The following RAB3GAP1 variants were observed in gnomAD, a reference collection of about 807,000 sequenced individuals.
RAB3GAP1 encodes the protein rab3 GTPase-activating protein catalytic subunit.
Under a neutral mutation model 130.7 loss-of-function variants are expected in RAB3GAP1, and 86 were observed. That is an observed-to-expected ratio of 0.66 (90% CI 0.55 to 0.79). The LOEUF is 0.79. Among genes scored for constraint, RAB3GAP1 ranks in the 30% least tolerant of loss-of-function variants. The pLI, the probability that RAB3GAP1 is intolerant of heterozygous loss-of-function variation, is 0.00. For missense variants in RAB3GAP1, 1,029 were observed against 1,169.4 expected (o/e 0.88, Z 1.75); for synonymous variants, 367 against 401.7 (o/e 0.91, Z 1.03).
intron 5 of RAB3GAP1, among the ~76,000 whole-genome samples, chr2:135,098,504 A>G (rs563035200): frequency 3.8e-4 from 58 of 152,258 alleles, no homozygotes; most frequent in Non-Finnish European, 7.5e-4. Flanking sequence ...TAGGTCACAA[A>G]TCTTTCTCCT....
chr2:135,094,710 A>G (rs1690242321), intron 5 of RAB3GAP1, among the ~76,000 whole-genome samples: 1 of 152,158 alleles, frequency 6.6e-6, no homozygotes, highest in Admixed American at 6.5e-5. Flanking sequence ...ATGACTATCC[A>G]TAAGACACTA....
chr2:135,166,803 A>G (rs1440247310), intron 23 of RAB3GAP1, among the ~76,000 whole-genome samples: 2 of 152,208 alleles, frequency 1.3e-5, no homozygotes, highest in Non-Finnish European at 2.9e-5. Context: ...TATACTTAAG[A>G]TATCTTTCAA....
chr2:135,126,305 T>C (rs1691347363), intron 10 of RAB3GAP1, 56 bp downstream of exon 10: 2 of 1,300,030 alleles, frequency 1.5e-6, no homozygotes, highest in Non-Finnish European at 2.2e-6. Context: ...GTAGAATAAC[T>C]CTCAAATTGC....
At chr2:135,136,417 T>C (rs1187680827) in intron 17 of RAB3GAP1, among the ~76,000 whole-genome samples, 2 of 152,214 alleles carry the variant, frequency 1.3e-5, no homozygotes. Flanking sequence ...CATAGATAAA[T>C]GTGGTCTTGA....
chr2:135,136,640 T>C, intron 17 of RAB3GAP1: 2 of 1,056,448 alleles, frequency 1.9e-6, no homozygotes, highest in East Asian at 1.1e-4. Context: ...CACTTATGTA[T>C]GTTTTTGTTT....
rs1688908816 is a variant in RAB3GAP1, at chr2:135,052,501, T to C, written c.74+16T>C. The C allele has an allele frequency of 3.1e-6, 5 of 1,612,980 alleles. No individual in the cohort carries two copies. Among genetic ancestry groups the C allele is most frequent in the Non-Finnish European group, 4.2e-6 (5 of 1,180,034 alleles). On this transcript the variant is annotated intron_variant, in intron 2 of 23. Coordinates refer to ENST00000264158, the MANE Select transcript of RAB3GAP1 (RefSeq NM_012233.3). ...AATGGGAAAGGTGAGTGAATCGCATTTTTGGTTACCAGCTCCCATGGGCCC... is the reference window on the plus strand; with the variant it reads ...AATGGGAAAGGTGAGTGAATCGCATCTTTGGTTACCAGCTCCCATGGGCCC...
intron 3 of RAB3GAP1, among the ~76,000 whole-genome samples, chr2:135,063,064 A>G (rs1689221510): frequency 6.6e-6 from 1 of 152,208 alleles, no homozygotes; most frequent in African/African-American, 2.4e-5. Context: ...TGCTGCAAGT[A>G]GACATCCTTG....
intron 3 of RAB3GAP1, chr2:135,058,827 A>G (rs967022189): frequency 1.1e-4 from 16 of 152,174 alleles, no homozygotes; most frequent in Non-Finnish European, 2.1e-4. Flanking sequence ...TTTTGAAATA[A>G]AATTTATGGT....
intron 17 of RAB3GAP1, among the ~76,000 whole-genome samples, chr2:135,149,320 G>A (rs1220818647): frequency 6.6e-6 from 1 of 152,196 alleles, no homozygotes; most frequent in African/African-American, 2.4e-5. Context: ...TAGTCAAAGA[G>A]AAAGTATGAA....
At chr2:135,120,660 A>G (rs997407578) in intron 7 of RAB3GAP1, among the ~76,000 whole-genome samples, 159 bp from the exon 8 acceptor site, 13 of 152,224 alleles carry the variant, frequency 8.5e-5, no homozygotes, top group African/African-American at 3.1e-4. Context: ...TGTTTTTAAT[A>G]ACTAGAATAT....
At chr2:135,172,434 C>CAAA (rs34579738), downstream of RAB3GAP1, among the ~76,000 whole-genome samples, 675 of 124,826 alleles carry the variant, frequency 5.4e-3, 3 homozygotes, top group Middle Eastern at 0.013. Context: ...GACTCTGTCT[C>CAAA]AAAAAAAAAA....
At chr2:135,105,944 C>T (rs903200115) in intron 5 of RAB3GAP1, among the ~76,000 whole-genome samples, 2 of 150,856 alleles carry the variant, frequency 1.3e-5, no homozygotes, top group African/African-American at 4.9e-5. Context: ...AGTGAGGAGC[C>T]CCTCCGCTCG....
intron 5 of RAB3GAP1, among the ~76,000 whole-genome samples, chr2:135,109,287 T>C (rs966826364): frequency 6.6e-6 from 1 of 152,130 alleles, no homozygotes; most frequent in African/African-American, 2.4e-5. Context: ...CTTGATAATA[T>C]TATCTTCCTA....
chr2:135,117,726 TCTTCTTCTTCTG>T lies in RAB3GAP1; in HGVS notation c.648+2363_648+2374del, dbSNP rs1472715386. Among the ~76,000 whole-genome samples the T allele has an allele frequency of 2.0e-4, 30 of 148,264 alleles. No homozygotes were observed. In the East Asian group the frequency reaches 5.1e-3, roughly 25 times the overall value. On this transcript the variant is annotated intron_variant, in intron 7 of 23. Coordinates refer to ENST00000264158, the MANE Select transcript of RAB3GAP1 (RefSeq NM_012233.3). ...TTCTGCTTCTGCTTCTTCTTCTGCT[TCTTCTTCTTCTG>T]CTTCTTCTTCTGCTTCTGCTTCTTC...
intron 5 of RAB3GAP1, among the ~76,000 whole-genome samples, chr2:135,108,364 A>G (rs1034046307): frequency 2.6e-5 from 4 of 152,188 alleles, no homozygotes; most frequent in African/African-American, 9.6e-5. Flanking sequence ...ATAATGATTT[A>G]TTAATGAAAC....
At position 135,168,486 on chromosome 2, in the gene RAB3GAP1, A is replaced by G. The variant is rs908872465; in HGVS notation, c.2710-59A>G. 19 of 1,350,130 alleles carry G rather than the reference A, an allele frequency of 1.4e-5. No homozygotes were observed. In the African/African-American group the frequency reaches 2.4e-4, roughly 17 times the overall value. The allele number at this position is 1,350,130 out of a possible 1,614,324, so 83.6% of individuals were successfully genotyped here. On this transcript the variant is annotated intron_variant, in intron 23 of 23. Transcript: ENST00000264158. ...ATTATGTTAATTCATCTGTCCTTCA[A>G]AAGCATCTGAGTTTAGCATTTGACC...
At chr2:135,156,514 T>G (rs1692316423) in intron 19 of RAB3GAP1, among the ~76,000 whole-genome samples, 1 of 152,252 alleles carries the variant, frequency 6.6e-6, no homozygotes, top group Non-Finnish European at 1.5e-5. Context: ...GAAGTCTGTT[T>G]ATATAATTTG....
At position 135,103,035 on chromosome 2, in the gene RAB3GAP1, A is replaced by ATTTTTTTTTTTTT. The variant is rs539310402; in HGVS notation, c.362+9350_362+9362dup. ...AAAAAAAAAAAAAATCATTTTTGTGATTTTTTTTTTTTTTTTTTTTGAGAC... is the reference window on the plus strand; with the variant it reads ...AAAAAAAAAAAAAATCATTTTTGTGATTTTTTTTTTTTTTTTTTTTTTTTTTTTTTTTTGAGAC... On this transcript the variant is annotated intron_variant, in intron 5 of 23. Transcript: ENST00000264158. 2.6e-3 allele frequency among the ~76,000 whole-genome samples: 240 copies of ATTTTTTTTTTTTT among 90,884 alleles called. 19 individuals are homozygous for ATTTTTTTTTTTTT. Among genetic ancestry groups the ATTTTTTTTTTTTT allele is most frequent in the Middle Eastern group, 6.8e-3 (1 of 148 alleles). 59.6% of individuals were successfully genotyped at this position (90,884 alleles called of 152,430 possible). A position where few individuals can be genotyped will look rare whatever the true frequency, so the allele number is the denominator to read the frequency against.
At chr2:135,068,241 T>C (rs1477794834) in intron 3 of RAB3GAP1, among the ~76,000 whole-genome samples, 1 of 152,208 alleles carries the variant, frequency 6.6e-6, no homozygotes, top group African/African-American at 2.4e-5. Context: ...AATTCTGAGA[T>C]AGATAAGAAT....
Sources: allele counts gnomAD v4.1 joint callset (sites outside exome capture counted in the v4.1 genomes callset), GRCh38; gene constraint gnomAD v4.1.1; transcripts MANE v1.5; gene names NCBI Gene and HGNC (gene_info 2026-07-23, HGNC 2026-07-21).